Variants in CSMD3 observed in about 807,000 individuals in gnomAD.
CSMD3 encodes CUB and Sushi multiple domains 3, also known as CUB and sushi domain-containing protein 3.
CSMD3 carries 177 observed loss-of-function variants against 435.2 expected under a neutral mutation model. That is an observed-to-expected ratio of 0.41 (90% CI 0.36 to 0.46). The LOEUF is 0.46. CSMD3 is among the 20% of genes least tolerant of loss of function. The pLI is 0.34. For missense variants in CSMD3, 4,265 were observed against 4,504.6 expected, an observed-to-expected ratio of 0.95 and a Z score of 1.52; for synonymous variants, 1,656 against 1,520.5, an observed-to-expected ratio of 1.09 and a Z score of -2.07.
At chr8:113,289,467 A>C (rs1444749728) in intron 2 of CSMD3, among the ~76,000 whole-genome samples, 3 of 151,372 alleles carry the variant, frequency 2.0e-5, no homozygotes, top group Admixed American at 6.6e-5. Flanking sequence ...CAAGTTATTT[A>C]TTTAAGGTCA....
chr8:113,035,006 T>C (rs973479317), intron 5 of CSMD3, among the ~76,000 whole-genome samples: 1 of 151,888 alleles, frequency 6.6e-6, no homozygotes, highest in African/African-American at 2.4e-5. Flanking sequence ...TAACAGCACA[T>C]AGAAAAACTT....
intron 28 of CSMD3, among the ~76,000 whole-genome samples, chr8:112,514,103 GTCTCA>G (rs1331701249): frequency 6.6e-6 from 1 of 151,936 alleles, no homozygotes; most frequent in Non-Finnish European, 1.5e-5. Flanking sequence ...ATGTTGCCCA[GTCTCA>G]TCTCAAACTC....
chr8:113,410,604 G>C lies in CSMD3; in HGVS notation c.178+26073C>G, dbSNP rs16884623. 7.4e-4 allele frequency among the ~76,000 whole-genome samples: 113 copies of C among 152,028 alleles called. No homozygotes were observed. In the East Asian group the frequency reaches 0.02, roughly 26 times the overall value. ...ACTTTTAGAAATGAGTGGTCCCCAA[G>C]TTCTATCTTTGGAACTTTACTATTA... On this transcript the variant is annotated intron_variant, in intron 1 of 70. Transcript: ENST00000297405.
At chr8:112,332,873 C>T (rs1379355943) in intron 45 of CSMD3, among the ~76,000 whole-genome samples, 4 of 152,148 alleles carry the variant, frequency 2.6e-5, no homozygotes, top group Non-Finnish European at 5.9e-5. Flanking sequence ...CTCCAATTCT[C>T]AAAACGTCTC....
chr8:113,284,318 T>C (rs1334685332), intron 2 of CSMD3, among the ~76,000 whole-genome samples: 2 of 152,214 alleles, frequency 1.3e-5, no homozygotes, highest in Non-Finnish European at 2.9e-5. Flanking sequence ...CAGTAAGTAC[T>C]TATTAATCTA....
intron 7 of CSMD3, among the ~76,000 whole-genome samples, chr8:112,960,031 G>C (rs2084169164): frequency 6.6e-6 from 1 of 151,756 alleles, no homozygotes; most frequent in Non-Finnish European, 1.5e-5. Context: ...AGGAAATAAA[G>C]ACTAATGTCA....
intron 12 of CSMD3, among the ~76,000 whole-genome samples, chr8:112,822,268 C>A (rs12386808): frequency 0.051 from 7,813 of 152,174 alleles, 663 homozygotes; most frequent in African/African-American, 0.18. Flanking sequence ...GATATTGATT[C>A]TTCCTATCCA....
At chr8:112,289,037 A>G (rs1586663445) in intron 57 of CSMD3, among the ~76,000 whole-genome samples, 1 of 152,136 alleles carries the variant, frequency 6.6e-6, no homozygotes, top group African/African-American at 2.4e-5. Context: ...CTAAAATGGG[A>G]TAGATACTTT....
At chr8:112,297,247 C>A (rs1586691347) in intron 53 of CSMD3, among the ~76,000 whole-genome samples, 1 of 104,076 alleles carries the variant, frequency 9.6e-6, no homozygotes. Flanking sequence ...ATAGTAAAGC[C>A]TCAAAAAAAA....
intron 12 of CSMD3, among the ~76,000 whole-genome samples, chr8:112,817,687 G>C (rs1479322947): frequency 6.6e-6 from 1 of 152,064 alleles, no homozygotes; most frequent in Non-Finnish European, 1.5e-5. Context: ...GAGATAGAGA[G>C]AGAGAGAGAA....
chr8:113,310,798 A>C (rs888769534), intron 2 of CSMD3: 1 of 151,896 alleles, frequency 6.6e-6, no homozygotes, highest in Admixed American at 6.6e-5. Context: ...AAAATATAGA[A>C]AATATATATT....
chr8:112,639,587 T>G (rs548125745), intron 20 of CSMD3, among the ~76,000 whole-genome samples: 1 of 152,260 alleles, frequency 6.6e-6, no homozygotes, highest in Non-Finnish European at 1.5e-5. Flanking sequence ...GTCATTTCAG[T>G]TTTCCAGAAG....
chr8:113,026,617 T>C (rs1241127823), intron 5 of CSMD3, among the ~76,000 whole-genome samples: 1 of 152,240 alleles, frequency 6.6e-6, no homozygotes, highest in African/African-American at 2.4e-5. Flanking sequence ...AGTGAGTGTA[T>C]ACTGTCTTAT....
intron 13 of CSMD3, among the ~76,000 whole-genome samples, chr8:112,798,640 G>A (rs924262797): frequency 6.6e-6 from 1 of 151,794 alleles, no homozygotes; most frequent in African/African-American, 2.4e-5. Flanking sequence ...CTCTTGAACC[G>A]CAGCAGAGGG....
intron 2 of CSMD3, among the ~76,000 whole-genome samples, chr8:113,298,847 G>T (rs1243334899): frequency 6.6e-6 from 1 of 152,038 alleles, no homozygotes; most frequent in African/African-American, 2.4e-5. Context: ...AAGGTAAGAA[G>T]GAGCGAGATC....
chr8:112,227,535 AAAAT>A (rs1414666918), intron 70 of CSMD3, among the ~76,000 whole-genome samples: 1 of 152,184 alleles, frequency 6.6e-6, no homozygotes, highest in East Asian at 1.9e-4. Context: ...CGTAGTCTTT[AAAAT>A]GGTTAAAATG....
chr8:112,837,464 G>C, intron 11 of CSMD3, among the ~76,000 whole-genome samples: 1 of 151,630 alleles, frequency 6.6e-6, no homozygotes, highest in East Asian at 1.9e-4. Flanking sequence ...CTAAAAAAAA[G>C]TTATATTATT....
intron 13 of CSMD3, among the ~76,000 whole-genome samples, chr8:112,783,408 A>AGGGAGGGAG (rs2078443808): frequency 1.1e-5 from 1 of 89,840 alleles, no homozygotes; most frequent in African/African-American, 5.6e-5. Context: ...GAAGGAAGGA[A>AGGGAGGGAG]GGAAGGAGGG....
chr8:112,938,852 T>C (rs2083364888), intron 9 of CSMD3, among the ~76,000 whole-genome samples: 1 of 152,108 alleles, frequency 6.6e-6, no homozygotes, highest in African/African-American at 2.4e-5. Context: ...TTGCAAGCCA[T>C]ACTCCCTGGG....
Sources: allele counts gnomAD v4.1 joint callset (sites outside exome capture counted in the v4.1 genomes callset), GRCh38; gene constraint gnomAD v4.1.1; transcripts MANE v1.5; gene names NCBI Gene and HGNC (gene_info 2026-07-23, HGNC 2026-07-21).